MARK1: variants seen among roughly 807,000 people sequenced by gnomAD.
The protein encoded by MARK1 is microtubule affinity regulating kinase 1, also known as serine/threonine-protein kinase MARK1.
MARK1 carries 40 observed loss-of-function variants against 96.3 expected under a neutral mutation model. That is an observed-to-expected ratio of 0.42 (90% CI 0.32 to 0.54). The LOEUF (loss-of-function observed/expected upper bound fraction) is 0.54, where lower values mean the gene tolerates loss of function less well. MARK1 is among the 20% of genes least tolerant of loss of function. The probability of loss-of-function intolerance (pLI) is 0.16; values close to 1 mark genes in which losing one functional copy is unlikely to be tolerated. For synonymous variants in MARK1, 317 were observed against 341.2 expected, an observed-to-expected ratio of 0.93 and a Z score of 0.78; for missense variants, 719 against 984.6, an observed-to-expected ratio of 0.73 and a Z score of 3.61.
intron 9 of MARK1, chr1:220,626,937 G>A (rs1188310378): frequency 2.0e-6 from 1 of 503,662 alleles, no homozygotes; most frequent in Admixed American, 2.3e-5. Context: ...GTTGCCTAGT[G>A]CTGGACATAT....
At chr1:220,641,841 A>T (rs1230057357) in intron 13 of MARK1, among the ~76,000 whole-genome samples, 1 of 152,192 alleles carries the variant, frequency 6.6e-6, no homozygotes, top group African/African-American at 2.4e-5. Flanking sequence ...TCCCTCCCCG[A>T]GCCAAGAGAG....
intron 5 of MARK1, among the ~76,000 whole-genome samples, chr1:220,603,209 C>G (rs1247906047): frequency 1.3e-5 from 2 of 151,820 alleles, no homozygotes; most frequent in Non-Finnish European, 2.9e-5. Context: ...TAAATTTAAT[C>G]CTTATACTAA....
intron 9 of MARK1, among the ~76,000 whole-genome samples, chr1:220,619,689 A>G (rs1237375152): frequency 2.6e-5 from 4 of 152,204 alleles, no homozygotes; most frequent in Admixed American, 6.5e-5. Flanking sequence ...TCACATAACC[A>G]AAATGTCTAC....
chr1:220,623,632 T>C (rs1216933139), intron 9 of MARK1, among the ~76,000 whole-genome samples: 1 of 152,228 alleles, frequency 6.6e-6, no homozygotes, highest in Non-Finnish European at 1.5e-5. Context: ...ATTCTCTTTC[T>C]TTCCTTATCA....
chr1:220,618,261 T>G lies in MARK1; in HGVS notation c.553-49T>G, dbSNP rs745912794. 86 of 1,178,960 alleles carry G rather than the reference T, an allele frequency of 7.3e-5. 1 individual carries two copies. Among genetic ancestry groups the G allele is most frequent in the Admixed American group, 1.6e-4 (8 of 49,958 alleles). The allele number at this position is 1,178,960 out of a possible 1,614,324, so 73.0% of individuals were successfully genotyped here. On this transcript the variant is annotated intron_variant, in intron 7 of 17. Transcript: ENST00000366917. This position sits in a 1 kb window ranked among gnomAD's most constrained non-coding sequence, Gnocchi z 4.6. ...GCTAAAACTCTTTTACAAATATTTT[T>G]ATTTTATGTAGGCTTTTTACATTGT...
chr1:220,647,581 G>C (rs945051237), intron 13 of MARK1, among the ~76,000 whole-genome samples: 6 of 152,214 alleles, frequency 3.9e-5, no homozygotes, highest in Middle Eastern at 3.4e-3. Flanking sequence ...CTGTTATAAA[G>C]GTTCATGCAC....
At chr1:220,583,148 A>G (rs1351726837) in intron 3 of MARK1, among the ~76,000 whole-genome samples, 1 of 152,184 alleles carries the variant, frequency 6.6e-6, no homozygotes, top group Non-Finnish European at 1.5e-5. Context: ...ATTTGCTTCC[A>G]TGTCTTAGGT....
chr1:220,547,804 G>A (rs1661603332), intron 1 of MARK1, among the ~76,000 whole-genome samples: 1 of 152,180 alleles, frequency 6.6e-6, no homozygotes, highest in Non-Finnish European at 1.5e-5. Flanking sequence ...CTGACCTCGT[G>A]ATCTGCCTGC....
chr1:220,596,529 A>G (rs1045837324), intron 3 of MARK1, among the ~76,000 whole-genome samples: 4 of 152,204 alleles, frequency 2.6e-5, no homozygotes, highest in African/African-American at 9.6e-5. Context: ...ATTTATTTAT[A>G]TGAATATACA....
chr1:220,634,875 A>T (rs76601129), intron 11 of MARK1, among the ~76,000 whole-genome samples: 1 of 152,148 alleles, frequency 6.6e-6, no homozygotes, highest in Admixed American at 6.5e-5. Context: ...ACAAATCTAT[A>T]TGTATGTTTA....
At chr1:220,600,450 G>T (rs768456136) in intron 5 of MARK1, among the ~76,000 whole-genome samples, 1 of 152,178 alleles carries the variant, frequency 6.6e-6, no homozygotes, top group Non-Finnish European at 1.5e-5. Context: ...CTATCATGGT[G>T]TCAAAAATAG....
chr1:220,590,575 C>A (rs1431361382), intron 3 of MARK1, among the ~76,000 whole-genome samples: 1 of 152,132 alleles, frequency 6.6e-6, no homozygotes, highest in Non-Finnish European at 1.5e-5. Context: ...ATTAGGGATT[C>A]AACATATGAA....
At chr1:220,640,340 G>C (rs1345082377) in intron 13 of MARK1, among the ~76,000 whole-genome samples, 1 of 152,170 alleles carries the variant, frequency 6.6e-6, no homozygotes, top group Non-Finnish European at 1.5e-5. Context: ...AAAAGCTCTT[G>C]CTTATAAGTA....
At chr1:220,564,047 G>T (rs1662874686) in intron 1 of MARK1, among the ~76,000 whole-genome samples, 1 of 152,090 alleles carries the variant, frequency 6.6e-6, no homozygotes. Flanking sequence ...AGGTTAAAAT[G>T]GATTACATGC....
chr1:220,528,903 G>GCCTCCC, intron 1 of MARK1, 30 bp downstream of exon 1: 3 of 1,544,588 alleles, frequency 1.9e-6, no homozygotes, highest in Non-Finnish European at 2.6e-6. Context: ...CTCGGGAGCA[G>GCCTCCC]TGGGGGCGAG....
chr1:220,543,640 C>T (rs950548261), intron 1 of MARK1, among the ~76,000 whole-genome samples: 2 of 152,124 alleles, frequency 1.3e-5, no homozygotes, highest in Non-Finnish European at 2.9e-5. Context: ...GGACCACTTT[C>T]AACATTATTT....
intron 1 of MARK1, among the ~76,000 whole-genome samples, chr1:220,552,653 G>A (rs1020205001): frequency 6.6e-6 from 1 of 152,122 alleles, no homozygotes; most frequent in Non-Finnish European, 1.5e-5. Flanking sequence ...ATACTATAAT[G>A]GTGAAAATGT....
At chr1:220,535,276 TGTAAA>T (rs773331285) in intron 1 of MARK1, among the ~76,000 whole-genome samples, 59 of 152,262 alleles carry the variant, frequency 3.9e-4, no homozygotes, top group South Asian at 1.0e-3. Flanking sequence ...TCCTAACAGT[TGTAAA>T]GTAAATATCT....
chr1:220,646,474 A>G (rs1668580518), intron 13 of MARK1, among the ~76,000 whole-genome samples: 1 of 152,244 alleles, frequency 6.6e-6, no homozygotes, highest in Non-Finnish European at 1.5e-5. Context: ...CAAAATGACC[A>G]TACTGCCAAA....
Sources: allele counts gnomAD v4.1 joint callset (sites outside exome capture counted in the v4.1 genomes callset), GRCh38; gene constraint gnomAD v4.1.1; non-coding constraint Gnocchi (gnomAD v3.1); transcripts MANE v1.5; gene names NCBI Gene and HGNC (gene_info 2026-07-23, HGNC 2026-07-21).